The following TASOR2 variants were observed in gnomAD, a reference collection of about 807,000 sequenced individuals.
TASOR2 encodes protein TASOR 2.
In TASOR2, 84 loss-of-function variants were observed where a neutral mutation model predicts 199.5. The observed-to-expected ratio is 0.42, with a 90% CI of 0.35 to 0.50. TASOR2 has a LOEUF of 0.50. TASOR2 is among the 20% of genes least tolerant of loss of function. The pLI, the probability that TASOR2 is intolerant of heterozygous loss-of-function variation, is 0.02. For missense variants in TASOR2, 2,796 were observed against 2,835.9 expected (o/e 0.99, Z 0.32); for synonymous variants, 1,103 against 1,046.6 (o/e 1.05, Z -1.04).
At position 5,763,186 on chromosome 10, in the gene TASOR2, T is replaced by C; in HGVS notation, c.*154T>C. On this transcript the variant is annotated 3_prime_UTR_variant, in exon 21 of 21. Coordinates refer to ENST00000328090, the Ensembl canonical transcript of TASOR2. ...TGGAAAGTTTTCATTTTTTATATTT[T>C]GCTGAAATATGTCACAGTGGCATTG... The C allele has an allele frequency of 4.4e-6, 3 of 674,764 alleles. No individual in the cohort carries two copies. In the South Asian group the frequency reaches 6.9e-5, roughly 16 times the overall value. 41.8% of individuals were successfully genotyped at this position (674,764 alleles called of 1,614,324 possible).
exon 15 of TASOR2, chr10:5,746,847 G>A: frequency 6.2e-7 from 1 of 1,614,180 alleles, no homozygotes; most frequent in Non-Finnish European, 8.5e-7. Flanking sequence ...GTTCATTACA[G>A]AAGGAGACGC....
In TASOR2 at chr10:5,742,291, C is replaced by A. The variant is rs770289112; in HGVS notation, c.2522C>A (p.Ser841Tyr). 1 of 1,614,134 alleles carries A rather than the reference C, an allele frequency of 6.2e-7. No homozygotes were observed. Among genetic ancestry groups the A allele is most frequent in the African/African-American group, 1.3e-5 (1 of 75,036 alleles). ...TGTGAGCTCCGTGAAATTGAGGAGT[C>A]CCTTGGTTTGGAAAAATGTTCTGCA... Residue 841 changes from serine to tyrosine, a missense_variant, in exon 14 of 21, where the codon TCC becomes TAC. Physicochemically the swap from Ser to Tyr is moderately radical, Grantham distance 144. Transcript: ENST00000328090. The surrounding 1 kb of genome is among the most constrained non-coding windows in gnomAD (Gnocchi z 4.2).
chr10:5,723,872 T>G (rs1037860624), intron 7 of TASOR2, 95 bp downstream of exon 8: 1 of 656,650 alleles, frequency 1.5e-6, no homozygotes, highest in African/African-American at 1.9e-5. Context: ...CACTTCTGTT[T>G]CATCATAAGT....
chr10:5,742,672 C>G lies in TASOR2; in HGVS notation c.2757+146C>G. The G allele has an allele frequency of 2.6e-6, 2 of 760,478 alleles. No homozygotes were observed. The highest frequency in any genetic ancestry group is 2.0e-6 in the Non-Finnish European group (1 of 488,870). 47.1% of individuals were successfully genotyped at this position (760,478 alleles called of 1,614,324 possible). On this transcript the variant is annotated intron_variant, in intron 14 of 20. Coordinates refer to ENST00000328090, the Ensembl canonical transcript of TASOR2. This position sits in a 1 kb window ranked among gnomAD's most constrained non-coding sequence, Gnocchi z 4.2. The stretch of plus-strand genomic sequence containing the variant: ...TGTAAAGAACTATTACACCAAAAAC[C>G]TAGTTTTCATGAAGTGTCCTTGAAT...
At position 5,698,840 on chromosome 10, in the gene TASOR2, G is replaced by T. The variant is rs536521807; in HGVS notation, c.-288+13665G>T. Among the ~76,000 whole-genome samples the T allele has an allele frequency of 1.0e-3, 155 of 152,284 alleles. 1 individual carries two copies. Among genetic ancestry groups the T allele is most frequent in the African/African-American group, 3.6e-3 (148 of 41,568 alleles). ...AAAAGACAGATAATAACAAGTGTTG[G>T]TAATGCTGTGAAAAAATTGGAACCT... On this transcript the variant is annotated intron_variant, in intron 1 of 20. Coordinates refer to ENST00000328090, the Ensembl canonical transcript of TASOR2. This position sits in a 1 kb window ranked among gnomAD's most constrained non-coding sequence, Gnocchi z 4.4.
Position 5,706,647 on chromosome 10 carries a change from G to A in TASOR2, c.-287-6176G>A, listed in dbSNP as rs573477219. ...TTTTAAATTCAGAAAAGCAAAACAC[G>A]GTATAAGGAAAGAACTTGACTACAC... On this transcript the variant is annotated intron_variant, in intron 1 of 20. Coordinates refer to ENST00000328090, the Ensembl canonical transcript of TASOR2. The surrounding 1 kb of genome is among the most constrained non-coding windows in gnomAD (Gnocchi z 4.8). Among the ~76,000 whole-genome samples the A allele has an allele frequency of 6.6e-6, 1 of 152,240 alleles. No individual in the cohort carries two copies. Among genetic ancestry groups the A allele is most frequent in the Admixed American group, 6.5e-5 (1 of 15,286 alleles).
intron 17 of TASOR2, 48 bp from the exon 19 acceptor site, chr10:5,758,839 A>C (rs1839357828): frequency 1.4e-6 from 2 of 1,435,934 alleles, no homozygotes; most frequent in African/African-American, 2.8e-5. Flanking sequence ...ATGAGCCAAA[A>C]GTACCTTAAA....
chr10:5,736,208 C>T (rs1395243801), intron 12 of TASOR2, among the ~76,000 whole-genome samples: 1 of 152,172 alleles, frequency 6.6e-6, no homozygotes, highest in South Asian at 2.1e-4. Flanking sequence ...ATCTTGAGGT[C>T]AGGAGTTCCA....
At chr10:5,691,409 C>T (rs906141846) in intron 1 of TASOR2, among the ~76,000 whole-genome samples, 7 of 151,824 alleles carry the variant, frequency 4.6e-5, no homozygotes, top group African/African-American at 1.7e-4. Context: ...CAAGCCACAG[C>T]TAAATGAAAA....
intron 10 of TASOR2, among the ~76,000 whole-genome samples, chr10:5,729,478 A>T (rs1005103033): frequency 1.3e-5 from 2 of 152,216 alleles, no homozygotes; most frequent in African/African-American, 4.8e-5. Flanking sequence ...AGGCAGGTAG[A>T]TCACTTGAGC....
chr10:5,736,016 C>A (rs764711108), intron 12 of TASOR2, among the ~76,000 whole-genome samples: 2 of 152,182 alleles, frequency 1.3e-5, no homozygotes, highest in Non-Finnish European at 2.9e-5. Context: ...ACAATCACTG[C>A]AACCTTGACC....
intron 1 of TASOR2, chr10:5,712,233 T>G: frequency 4.6e-6 from 2 of 431,752 alleles, no homozygotes; most frequent in Non-Finnish European, 7.6e-6. Flanking sequence ...GGTTATTTTC[T>G]TTACATCAGA....
At chr10:5,718,577 G>T (rs935045486) in intron 3 of TASOR2, among the ~76,000 whole-genome samples, 1 of 151,774 alleles carries the variant, frequency 6.6e-6, no homozygotes, top group African/African-American at 2.4e-5. Context: ...GCGAAACCCT[G>T]TCTCCACTTT....
In TASOR2 at chr10:5,735,299, A is replaced by T. The variant is rs1158164197; in HGVS notation, c.1205-5A>T. The T allele has an allele frequency of 6.2e-7, 1 of 1,610,934 alleles. No individual in the cohort carries two copies. Among genetic ancestry groups the T allele is most frequent in the East Asian group, 2.2e-5 (1 of 44,858 alleles). On this transcript the variant is annotated splice_polypyrimidine_tract_variant and splice_region_variant and intron_variant, in intron 11 of 20. Coordinates refer to ENST00000328090, the Ensembl canonical transcript of TASOR2. ...CTTACAAAAATGATGTCTTTTCTAC[A>T]TAAGGTGCGGAAGTGCTGACTGCAC...
chr10:5,693,154 A>T (rs1303999706), intron 1 of TASOR2, among the ~76,000 whole-genome samples: 3 of 152,156 alleles, frequency 2.0e-5, no homozygotes, highest in African/African-American at 7.2e-5. Flanking sequence ...GTGATGAAAG[A>T]CACTTTTGTA....
rs374079479 is a variant in TASOR2, at chr10:5,748,340, C to G, written c.4919C>G (p.Ser1640Trp). Residue 1640 changes from serine to tryptophan, a missense_variant, in exon 15 of 21, where the codon TCG (serine) becomes TGG (tryptophan). This residue lies in a region of TASOR2 where 1,941 missense variants were observed against 1,924.9 expected (regional missense o/e 1.01). Transcript: ENST00000328090. The surrounding 1 kb of genome is among the most constrained non-coding windows in gnomAD (Gnocchi z 5.1). ...CAGGTGAAGTCCTTGACAGCTGCCT[C>G]GGTTGATGGAGCTTATTCTACACAG... 4.3e-6 allele frequency: 7 copies of G among 1,614,082 alleles called. No individual in the cohort carries two copies. Among genetic ancestry groups the G allele is most frequent in the African/African-American group, 1.3e-5 (1 of 74,932 alleles).
chr10:5,746,027 A>T, intron 14 of TASOR2, 152 bp from the exon 16 acceptor site: 1 of 854,060 alleles, frequency 1.2e-6, no homozygotes, highest in Admixed American at 3.5e-5. Flanking sequence ...CTTGATTTGT[A>T]CCCTGTGATA....
At chr10:5,762,362 C>G (rs1839986374) in intron 19 of TASOR2, among the ~76,000 whole-genome samples, 170 bp from the exon 21 acceptor site, 1 of 151,550 alleles carries the variant, frequency 6.6e-6, no homozygotes. Flanking sequence ...ATGGAGGCAT[C>G]TATTTCCAAA....
chr10:5,724,444 T>C (rs763657169), exon 8 of TASOR2: 23 of 1,533,646 alleles, frequency 1.5e-5, no homozygotes, highest in East Asian at 5.2e-5. Flanking sequence ...TTTTCAAGAT[T>C]TGTGCTTCAA....
Sources: allele counts gnomAD v4.1 joint callset (sites outside exome capture counted in the v4.1 genomes callset), GRCh38; gene constraint gnomAD v4.1.1; regional missense constraint gnomAD v4.1.1; non-coding constraint Gnocchi (gnomAD v3.1); transcripts MANE v1.5; gene names NCBI Gene and HGNC (gene_info 2026-07-23, HGNC 2026-07-21).